CCDC85C: variants seen among roughly 807,000 people sequenced by gnomAD.
CCDC85C encodes coiled-coil domain-containing protein 85C.
In CCDC85C, 18 loss-of-function variants were observed where a neutral mutation model predicts 38.3. The observed-to-expected ratio is 0.47, with a 90% CI of 0.33 to 0.70. The LOEUF is 0.70. CCDC85C is among the 30% of genes least tolerant of loss of function. CCDC85C has a pLI of 0.03. For synonymous variants in CCDC85C, 264 were observed against 293.8 expected (o/e 0.90, Z 1.04); for missense variants, 566 against 621.2 (o/e 0.91, Z 0.94).
intron 1 of CCDC85C, among the ~76,000 whole-genome samples, chr14:99,599,526 T>A (rs1324699722): frequency 6.6e-6 from 1 of 152,154 alleles, no homozygotes; most frequent in African/African-American, 2.4e-5. Flanking sequence ...CCTGTCTCAG[T>A]GTGCCACACT....
Position 99,516,425 on chromosome 14 carries a change from G to A in CCDC85C, c.1072-139C>T, listed in dbSNP as rs1373935609. 5 of 640,806 alleles carry A rather than the reference G, an allele frequency of 7.8e-6. No individual in the cohort carries two copies. The highest frequency in any genetic ancestry group is 3.8e-5 in the South Asian group (2 of 53,112). 39.7% of individuals were successfully genotyped at this position (640,806 alleles called of 1,614,324 possible). A position where few individuals can be genotyped will look rare whatever the true frequency, so the allele number is the denominator to read the frequency against. The stretch of plus-strand genomic sequence containing the variant: ...AGCCGCTGGGCCCCTGGGGACAAGC[G>A]TGGAAAAAACTGAGGGGCAGGTTGT... On this transcript the variant is annotated intron_variant, in intron 4 of 5. Transcript: ENST00000380243. The surrounding 1 kb of genome is among the most constrained non-coding windows in gnomAD (Gnocchi z 5.5).
chr14:99,518,451 A>G (rs1252986874), intron 3 of CCDC85C, among the ~76,000 whole-genome samples: 1 of 152,140 alleles, frequency 6.6e-6, no homozygotes, highest in Non-Finnish European at 1.5e-5. Flanking sequence ...CGTCTGGACA[A>G]TAGAAAGGGT....
chr14:99,595,787 G>A (rs1356848306), intron 1 of CCDC85C, among the ~76,000 whole-genome samples: 3 of 152,204 alleles, frequency 2.0e-5, no homozygotes, highest in African/African-American at 7.2e-5. Context: ...TGCCCCTGCT[G>A]TAACTTGCCT....
In CCDC85C at chr14:99,510,815, C is replaced by T. The variant is rs1296452847; in HGVS notation, c.*4431G>A. On this transcript the variant is annotated 3_prime_UTR_variant, in exon 6 of 6. Coordinates refer to ENST00000380243, the MANE Select transcript of CCDC85C (RefSeq NM_001144995.2). ...CTTTTTTCCCTCTTTGTTTTTTTAA[C>T]AAGATTTTCTAATCGACTTGCAGAG... 2 of 1,400,402 alleles carry T rather than the reference C, an allele frequency of 1.4e-6. No individual in the cohort carries two copies. The highest frequency in any genetic ancestry group is 1.9e-6 in the Non-Finnish European group (2 of 1,076,030). 86.7% of individuals were successfully genotyped at this position (1,400,402 alleles called of 1,614,324 possible).
chr14:99,585,501 TA>T (rs2139980744), intron 1 of CCDC85C, among the ~76,000 whole-genome samples: 1 of 152,298 alleles, frequency 6.6e-6, no homozygotes, highest in Non-Finnish European at 1.5e-5. Flanking sequence ...ATGGGGAACA[TA>T]AGTGTCTTTG....
rs1460995341 is a variant in CCDC85C, at chr14:99,603,252, G to A, written c.708C>T (p.Pro236=). 1 of 1,395,980 alleles carries A rather than the reference G, an allele frequency of 7.2e-7. No individual in the cohort carries two copies. The highest frequency in any genetic ancestry group is 9.2e-7 in the Non-Finnish European group (1 of 1,081,406). The allele number at this position is 1,395,980 out of a possible 1,614,324, so 86.5% of individuals were successfully genotyped here. Residue 236 remains proline (P), a synonymous_variant, in exon 1 of 6, where the codon CCC becomes CCT. Coordinates refer to ENST00000380243, the MANE Select transcript of CCDC85C (RefSeq NM_001144995.2). The surrounding 1 kb of genome is among the most constrained non-coding windows in gnomAD (Gnocchi z 7.5). ...PLLPPGPHKA[P]DGKAGATRRS... ...GACGTGTGGCTCCTGCCTTGCCGTC[G>A]GGGGCCTTGTGCGGCCCGGGGGGCA...
In CCDC85C at chr14:99,505,352, C is replaced by T. The variant is rs1440393053; in HGVS notation, c.*9894G>A. On this transcript the variant is annotated 3_prime_UTR_variant, in exon 6 of 6. Coordinates refer to ENST00000380243, the MANE Select transcript of CCDC85C (RefSeq NM_001144995.2). The stretch of plus-strand genomic sequence containing the variant: ...GCCGAAGGCTACTGGCTGCAGAGGG[C>T]TGCAAGCACTCGAAATGTGACTGGG... 1 of 152,178 alleles carries T rather than the reference C, an allele frequency of 6.6e-6. No individual in the cohort carries two copies. The highest frequency in any genetic ancestry group is 1.5e-5 in the Non-Finnish European group (1 of 68,028). The allele number at this position is 152,178 out of a possible 1,614,324, so 9.4% of individuals were successfully genotyped here. A position where few individuals can be genotyped will look rare whatever the true frequency, so the allele number is the denominator to read the frequency against.
At chr14:99,598,296 G>A (rs1328311593) in intron 1 of CCDC85C, among the ~76,000 whole-genome samples, 5 of 152,250 alleles carry the variant, frequency 3.3e-5, no homozygotes, top group Non-Finnish European at 5.9e-5. Flanking sequence ...CGCAAATGAA[G>A]GCAACAAGCA....
chr14:99,517,001 T>C, intron 4 of CCDC85C, 87 bp downstream of exon 4: 1 of 1,277,444 alleles, frequency 7.8e-7, no homozygotes, highest in Non-Finnish European at 1.1e-6. Context: ...CCCCTGCCAC[T>C]TGGATACCCC....
At chr14:99,542,009 G>A (rs912657079) in intron 1 of CCDC85C, among the ~76,000 whole-genome samples, 1 of 152,218 alleles carries the variant, frequency 6.6e-6, no homozygotes, top group East Asian at 1.9e-4. Flanking sequence ...AAGGTCTGGG[G>A]CCAGGCAGGC....
intron 1 of CCDC85C, among the ~76,000 whole-genome samples, chr14:99,581,601 G>A (rs1361459098): frequency 6.6e-6 from 1 of 152,170 alleles, no homozygotes; most frequent in Non-Finnish European, 1.5e-5. Context: ...TTTGTTCCCC[G>A]GCTCCCCATT....
rs114569216 is a variant in CCDC85C at position 99,548,415 on chromosome 14, G to A, written c.794-12327C>T. On this transcript the variant is annotated intron_variant, in intron 1 of 5. Transcript: ENST00000380243. The surrounding 1 kb of genome is among the most constrained non-coding windows in gnomAD (Gnocchi z 4.9). ...TGTGTGACGGTGCACACGTAAGAACGGGCCACACAGGGGATGCTGATGATC... is the reference window on the plus strand; with the variant it reads ...TGTGTGACGGTGCACACGTAAGAACAGGCCACACAGGGGATGCTGATGATC... Among the ~76,000 whole-genome samples the A allele has an allele frequency of 1.6e-4, 25 of 152,148 alleles. No homozygotes were observed. Among genetic ancestry groups the A allele is most frequent in the African/African-American group, 5.1e-4 (21 of 41,522 alleles).
At position 99,603,219 on chromosome 14, in the gene CCDC85C, C is replaced by T; in HGVS notation, c.741G>A (p.Leu247=). 1 of 1,427,030 alleles carries T rather than the reference C, an allele frequency of 7.0e-7. No homozygotes were observed. The highest frequency in any genetic ancestry group is 9.1e-7 in the Non-Finnish European group (1 of 1,093,300). 88.4% of individuals were successfully genotyped at this position (1,427,030 alleles called of 1,614,324 possible). A position where few individuals can be genotyped will look rare whatever the true frequency, so the allele number is the denominator to read the frequency against. The change falls in exon 1 of 6, where the codon CTG becomes CTA. Residue 247 remains leucine (L), a synonymous_variant. Coordinates refer to ENST00000380243, the MANE Select transcript of CCDC85C (RefSeq NM_001144995.2). This position sits in a 1 kb window ranked among gnomAD's most constrained non-coding sequence, Gnocchi z 7.5. The part of the protein sequence containing the change: ...DGKAGATRRS[L]DDLSAPPHHR... ...GGTGCGGCGGCGCCGACAAGTCGTC[C>T]AGGGACCGACGTGTGGCTCCTGCCT...
At chr14:99,589,134 GCA>G (rs893813351) in intron 1 of CCDC85C, among the ~76,000 whole-genome samples, 1 of 152,034 alleles carries the variant, frequency 6.6e-6, no homozygotes, top group Non-Finnish European at 1.5e-5. Context: ...GCAGGGGTGA[GCA>G]CAGAGCCACG....
intron 1 of CCDC85C, among the ~76,000 whole-genome samples, chr14:99,560,733 C>G (rs1000007808): frequency 9.9e-5 from 15 of 152,232 alleles, no homozygotes; most frequent in African/African-American, 3.6e-4. Flanking sequence ...GTCTTGAGGG[C>G]AGGGAAACAG....
chr14:99,534,436 G>A (rs1897553078), intron 2 of CCDC85C, among the ~76,000 whole-genome samples: 1 of 152,198 alleles, frequency 6.6e-6, no homozygotes, highest in South Asian at 2.1e-4. Context: ...CTTCTCCACA[G>A]GAACAATGAG....
In CCDC85C at chr14:99,544,177, G is replaced by A. The variant is rs927886946; in HGVS notation, c.794-8089C>T. Among the ~76,000 whole-genome samples, 1 of 152,196 alleles carries A rather than the reference G, an allele frequency of 6.6e-6. No individual in the cohort carries two copies. Among genetic ancestry groups the A allele is most frequent in the Non-Finnish European group, 1.5e-5 (1 of 68,040 alleles). ...ATCGACAAGGCGCCTGAGACTCAGC[G>A]ATGTTAGGCAGCAAGGCCAAGGTCA... On this transcript the variant is annotated intron_variant, in intron 1 of 5. Coordinates refer to ENST00000380243, the MANE Select transcript of CCDC85C (RefSeq NM_001144995.2). The surrounding 1 kb of genome is among the most constrained non-coding windows in gnomAD (Gnocchi z 5.3).
chr14:99,603,112 G>T lies in CCDC85C; in HGVS notation c.793+55C>A. On this transcript the variant is annotated intron_variant, in intron 1 of 5. Transcript: ENST00000380243. The surrounding 1 kb of genome is among the most constrained non-coding windows in gnomAD (Gnocchi z 7.5). ...GGACCACCTCCTCTCGCCGCAGCCT[G>T]GGAAAAGGGCTGCAGCCAGGGAGAC... 7.8e-7 allele frequency: 1 copy of T among 1,281,224 alleles called. No individual in the cohort carries two copies. Among genetic ancestry groups the T allele is most frequent in the Non-Finnish European group, 9.9e-7 (1 of 1,013,372 alleles). 79.4% of individuals were successfully genotyped at this position (1,281,224 alleles called of 1,614,324 possible).
At chr14:99,589,168 CCT>C (rs2055058272) in intron 1 of CCDC85C, among the ~76,000 whole-genome samples, 1 of 151,302 alleles carries the variant, frequency 6.6e-6, no homozygotes, top group African/African-American at 2.4e-5. Context: ...CAGAGTGAGC[CCT>C]GAGGACAGCA....
Sources: gnomAD v4.1 joint callset for allele counts (sites outside exome capture counted in the v4.1 genomes callset) on GRCh38, gnomAD v4.1.1 for gene constraint, Gnocchi (gnomAD v3.1) non-coding constraint, MANE v1.5 for transcripts, NCBI Gene and HGNC (gene_info 2026-07-23, HGNC 2026-07-21) for gene names.